The following NWD2 variants were observed in gnomAD, a reference collection of about 807,000 sequenced individuals.
The protein encoded by NWD2 is NACHT and WD repeat domain containing 2, also known as NACHT and WD repeat domain-containing protein 2.
NWD2 carries 37 observed loss-of-function variants against 132.7 expected under a neutral mutation model. That is an observed-to-expected ratio of 0.28 (90% CI 0.21 to 0.37). The LOEUF is 0.37. Among genes scored for constraint, NWD2 ranks in the 10% least tolerant of loss-of-function variants. The pLI is 1.00. For synonymous variants in NWD2, 705 were observed against 803.0 expected (o/e 0.88, Z 2.06); for missense variants, 1,592 against 2,122.4 (o/e 0.75, Z 4.91).
At chr4:37,379,516 G>A (rs1268238944) in intron 3 of NWD2, among the ~76,000 whole-genome samples, 2 of 152,086 alleles carry the variant, frequency 1.3e-5, no homozygotes, top group African/African-American at 4.8e-5. Flanking sequence ...CATGACATAT[G>A]TTTTATTATT....
chr4:37,349,448 T>G (rs1719718111), intron 2 of NWD2, among the ~76,000 whole-genome samples: 1 of 152,206 alleles, frequency 6.6e-6, no homozygotes, highest in South Asian at 2.1e-4. Flanking sequence ...CATGAGCTGT[T>G]TTTTCATGTT....
chr4:37,325,883 G>T, intron 1 of NWD2, 53 bp from the exon 2 acceptor site: 1 of 1,100,162 alleles, frequency 9.1e-7, no homozygotes. Context: ...TTTTTTGCCA[G>T]AAACATATGT....
At chr4:37,287,772 C>A (rs772393063) in intron 1 of NWD2, among the ~76,000 whole-genome samples, 1 of 152,202 alleles carries the variant, frequency 6.6e-6, no homozygotes. Flanking sequence ...GTGAAGCACA[C>A]CCCTTCCACC....
At chr4:37,388,182 C>T (rs1720603507) in intron 3 of NWD2, among the ~76,000 whole-genome samples, 1 of 151,912 alleles carries the variant, frequency 6.6e-6, no homozygotes, top group Admixed American at 6.6e-5. Flanking sequence ...AAGGAGTCAG[C>T]ATAGTGTTTT....
intron 1 of NWD2, among the ~76,000 whole-genome samples, chr4:37,299,524 A>G (rs1364375429): frequency 6.6e-6 from 1 of 152,126 alleles, no homozygotes; most frequent in Non-Finnish European, 1.5e-5. Flanking sequence ...CCTGTCTAAT[A>G]TTGAATAATT....
chr4:37,306,745 G>A (rs183076260), intron 1 of NWD2, among the ~76,000 whole-genome samples: 179 of 152,188 alleles, frequency 1.2e-3, no homozygotes, highest in African/African-American at 4.0e-3. Flanking sequence ...GTTCTGGGCC[G>A]GGTGTGGTGG....
At chr4:37,294,993 T>C (rs1718445733) in intron 1 of NWD2, among the ~76,000 whole-genome samples, 1 of 152,194 alleles carries the variant, frequency 6.6e-6, no homozygotes, top group Admixed American at 6.5e-5. Flanking sequence ...GTCACATTAC[T>C]GAATCCACAT....
chr4:37,378,247 A>T (rs925132573), intron 3 of NWD2, among the ~76,000 whole-genome samples: 1 of 145,810 alleles, frequency 6.9e-6, no homozygotes, highest in African/African-American at 2.6e-5. Flanking sequence ...GATTTGGAAA[A>T]CATTATTCTG....
At chr4:37,378,629 T>A (rs927048299) in intron 3 of NWD2, among the ~76,000 whole-genome samples, 4 of 152,148 alleles carry the variant, frequency 2.6e-5, no homozygotes, top group African/African-American at 9.7e-5. Context: ...TTGTTTTTTA[T>A]TTTTTTTCTT....
chr4:37,327,277 A>G (rs1409956958), intron 2 of NWD2, among the ~76,000 whole-genome samples: 1 of 152,158 alleles, frequency 6.6e-6, no homozygotes, highest in Admixed American at 6.5e-5. Flanking sequence ...GCTATAGGAC[A>G]GCTTCTATAA....
chr4:37,341,880 T>G (rs1178962713), intron 2 of NWD2, among the ~76,000 whole-genome samples: 1 of 152,170 alleles, frequency 6.6e-6, no homozygotes, highest in Admixed American at 6.5e-5. Context: ...TTTAAAAGGA[T>G]CCATCTGCCT....
In NWD2 at chr4:37,445,564, G is replaced by T. The variant is rs374145065; in HGVS notation, c.3576G>T (p.Val1192=). 1.2e-5 allele frequency: 19 copies of T among 1,552,056 alleles called. No individual in the cohort carries two copies. In the African/African-American group the frequency reaches 1.9e-4, roughly 16 times the overall value. ...DFDCRREDSE[V]VSIELSEDQS... ...ATTGCCGAAGAGAAGACAGTGAGGT[G>T]GTCAGCATTGAGCTTTCAGAAGACC... is the stretch of plus-strand genomic sequence containing the variant. The change falls in exon 7 of 7, where the codon GTG becomes GTT. Residue 1192 remains valine, a synonymous_variant. Coordinates refer to ENST00000309447, the MANE Select transcript of NWD2 (RefSeq NM_001144990.2). This position sits in a 1 kb window ranked among gnomAD's most constrained non-coding sequence, Gnocchi z 4.7.
intron 1 of NWD2, among the ~76,000 whole-genome samples, chr4:37,291,019 A>C (rs1718349702): frequency 6.6e-6 from 1 of 152,148 alleles, no homozygotes; most frequent in Admixed American, 6.5e-5. Flanking sequence ...AACCCCTGAG[A>C]GCAAACCTAA....
chr4:37,320,560 A>C (rs1719048408), intron 1 of NWD2, among the ~76,000 whole-genome samples: 2 of 152,126 alleles, frequency 1.3e-5, no homozygotes, highest in African/African-American at 4.8e-5. Context: ...AAAATTGAGA[A>C]GATTTGCTCA....
At chr4:37,357,513 C>T (rs1719895078) in intron 3 of NWD2, among the ~76,000 whole-genome samples, 1 of 152,126 alleles carries the variant, frequency 6.6e-6, no homozygotes, top group Admixed American at 6.6e-5. Context: ...GTTGATTACT[C>T]ACTAACTGCC....
rs74472605 is a variant in NWD2 at position 37,332,733 on chromosome 4, G to A, written c.240+6709G>A. On this transcript the variant is annotated intron_variant, in intron 2 of 6. Coordinates refer to ENST00000309447, the MANE Select transcript of NWD2 (RefSeq NM_001144990.2). ...GGGAAGAATAAAGGGAAATTTATCT[G>A]GCAGTTTAGGTACCAGCTCGGCCAC... is the stretch of plus-strand genomic sequence containing the variant. Among the ~76,000 whole-genome samples, 1,288 of 152,258 alleles carry A rather than the reference G, an allele frequency of 8.5e-3. 59 individuals are homozygous for A. In the East Asian group the frequency reaches 0.13, roughly 16 times the overall value.
chr4:37,255,745 G>A (rs915234411), intron 1 of NWD2, among the ~76,000 whole-genome samples: 8 of 152,110 alleles, frequency 5.3e-5, no homozygotes, highest in African/African-American at 1.7e-4. Context: ...ATCTGCTCTT[G>A]GGATTAGAAC....
At chr4:37,358,830 G>C (rs1282687801) in intron 3 of NWD2, among the ~76,000 whole-genome samples, 1 of 152,040 alleles carries the variant, frequency 6.6e-6, no homozygotes, top group Non-Finnish European at 1.5e-5. Context: ...GGCTCAAACT[G>C]TAATGATGCA....
chr4:37,269,749 T>G (rs922251350), intron 1 of NWD2, among the ~76,000 whole-genome samples: 1 of 151,942 alleles, frequency 6.6e-6, no homozygotes, highest in Non-Finnish European at 1.5e-5. Context: ...ACACATTGTT[T>G]ACACGTTATC....
Sources: allele counts gnomAD v4.1 joint callset (sites outside exome capture counted in the v4.1 genomes callset), GRCh38; gene constraint gnomAD v4.1.1; non-coding constraint Gnocchi (gnomAD v3.1); transcripts MANE v1.5; gene names NCBI Gene and HGNC (gene_info 2026-07-23, HGNC 2026-07-21).